Variants in IL16 observed in about 807,000 individuals in gnomAD.
IL16 encodes pro-interleukin-16.
In IL16, 67 loss-of-function variants were observed where a neutral mutation model predicts 110.1. The ratio of observed to expected loss-of-function variants is 0.61; its 90% confidence interval spans 0.50 to 0.75. The LOEUF is 0.75. Ranked by LOEUF, IL16 falls within the 30% of genes least tolerant of loss-of-function variation. The pLI is 0.00. For missense variants in IL16, 1,545 were observed against 1,655.0 expected (o/e 0.93, Z 1.15); for synonymous variants, 689 against 662.9 (o/e 1.04, Z -0.61).
rs138706777 is a variant in IL16 at position 81,278,733 on chromosome 15, T to C, written c.791-84T>C. 4.6e-4 allele frequency: 414 copies of C among 900,730 alleles called. 3 individuals are homozygous for C. In the East Asian group the frequency reaches 8.5e-3, roughly 19 times the overall value. The allele number at this position is 900,730 out of a possible 1,614,324, so 55.8% of individuals were successfully genotyped here. A position where few individuals can be genotyped will look rare whatever the true frequency, so the allele number is the denominator to read the frequency against. On this transcript the variant is annotated intron_variant, in intron 6 of 18. Coordinates refer to ENST00000683961, the MANE Select transcript of IL16 (RefSeq NM_172217.5). ...GTGCATCATACAAAAAGCCGGGCAGTTGGGGAGACTAGAGTTAAAGGTAAT... is the reference window on the plus strand; with the variant it reads ...GTGCATCATACAAAAAGCCGGGCAGCTGGGGAGACTAGAGTTAAAGGTAAT...
chr15:81,313,612 G>GC lies in IL16; in HGVS notation c.*4816dup, dbSNP rs541199625. 2.7e-5 allele frequency: 10 copies of GC among 372,000 alleles called. No homozygotes were observed. In the East Asian group the frequency reaches 4.1e-4, roughly 15 times the overall value. 23.0% of individuals were successfully genotyped at this position (372,000 alleles called of 1,614,324 possible). On this transcript the variant is annotated 3_prime_UTR_variant, in exon 19 of 19. Coordinates refer to ENST00000683961, the MANE Select transcript of IL16 (RefSeq NM_172217.5). ...CATCCTGTCGGGGATGCATTCCACAGCCTCTCCCGGCCTCCAGGGAGGAAG... is the reference window on the plus strand; with the variant it reads ...CATCCTGTCGGGGATGCATTCCACAGCCCTCTCCCGGCCTCCAGGGAGGAAG...
At chr15:81,194,625 A>G (rs1895551762), upstream of IL16, among the ~76,000 whole-genome samples, 1 of 152,166 alleles carries the variant, frequency 6.6e-6, no homozygotes, top group South Asian at 2.1e-4. Flanking sequence ...AGAAGGAAAT[A>G]CAGGTTATTG....
chr15:81,300,526 C>A, intron 14 of IL16, 51 bp downstream of exon 14: 1 of 1,214,420 alleles, frequency 8.2e-7, no homozygotes, highest in Non-Finnish European at 1.2e-6. Flanking sequence ...CTTTTTCTTT[C>A]TCATCTTTAT....
At chr15:81,235,369 T>C (rs909542362) in intron 2 of IL16, among the ~76,000 whole-genome samples, 2 of 152,120 alleles carry the variant, frequency 1.3e-5, no homozygotes, top group African/African-American at 4.8e-5. Context: ...GAGGGAACAG[T>C]TGTGTCACAT....
intron 1 of IL16, among the ~76,000 whole-genome samples, chr15:81,223,848 C>T (rs537814534): frequency 6.6e-6 from 1 of 152,286 alleles, no homozygotes; most frequent in South Asian, 2.1e-4. Flanking sequence ...GACCCACAGT[C>T]AGGCATGAAC....
chr15:81,255,027 G>A (rs894182934), intron 2 of IL16, among the ~76,000 whole-genome samples: 1 of 151,958 alleles, frequency 6.6e-6, no homozygotes, highest in African/African-American at 2.4e-5. Context: ...AGAGTCATGA[G>A]AGAGTTAGTG....
chr15:81,198,032 G>C (rs1391780297), intron 1 of IL16, among the ~76,000 whole-genome samples: 2 of 152,014 alleles, frequency 1.3e-5, no homozygotes, highest in Non-Finnish European at 2.9e-5. Flanking sequence ...TTCCTCCTCT[G>C]TTCTCCTTCT....
chr15:81,289,857 C>A (rs1434352678), intron 10 of IL16: 2 of 428,690 alleles, frequency 4.7e-6, no homozygotes, highest in Non-Finnish European at 4.6e-6. Context: ...TTTTAAAAAA[C>A]CTGTCCTCAT....
rs190512039 is a variant in IL16, at chr15:81,276,533, C to T, written c.791-2284C>T. ...AGCCTTGATAATGAAAGAGTTTCCC[C>T]TCAGTAAAGCCAACAGGCCCCAGGG... On this transcript the variant is annotated intron_variant, in intron 6 of 18. Coordinates refer to ENST00000683961, the MANE Select transcript of IL16 (RefSeq NM_172217.5). 6.1e-3 allele frequency among the ~76,000 whole-genome samples: 933 copies of T among 152,292 alleles called. 6 individuals carry two copies. Among genetic ancestry groups the T allele is most frequent in the Non-Finnish European group, 0.01 (687 of 68,036 alleles).
chr15:81,208,776 A>C (rs536561466), intron 1 of IL16, among the ~76,000 whole-genome samples: 1 of 152,208 alleles, frequency 6.6e-6, no homozygotes, highest in Non-Finnish European at 1.5e-5. Context: ...CTGAAGGGCA[A>C]TATGGCACAG....
chr15:81,295,230 C>T (rs1899928924), intron 12 of IL16: 2 of 295,474 alleles, frequency 6.8e-6, no homozygotes, highest in South Asian at 4.9e-5. Context: ...AATCTGCTCT[C>T]TCCCTCTTTC....
chr15:81,246,518 A>T (rs1258824449), intron 2 of IL16, among the ~76,000 whole-genome samples: 6 of 152,210 alleles, frequency 3.9e-5, no homozygotes, highest in Admixed American at 3.9e-4. Flanking sequence ...AAATCTTTGA[A>T]TCCCTGGATT....
chr15:81,223,454 A>G (rs1323588746), intron 1 of IL16, among the ~76,000 whole-genome samples: 2 of 152,244 alleles, frequency 1.3e-5, no homozygotes, highest in Non-Finnish European at 2.9e-5. Context: ...GAGAAAGGCA[A>G]TAATCAATGA....
intron 1 of IL16, among the ~76,000 whole-genome samples, chr15:81,183,549 G>A (rs963827302): frequency 6.6e-6 from 1 of 152,206 alleles, no homozygotes; most frequent in Non-Finnish European, 1.5e-5. Context: ...AGTTAACACT[G>A]GCGAAACTTC....
At position 81,311,502 on chromosome 15, in the gene IL16, G is replaced by A. The variant is rs1900851555; in HGVS notation, c.*2704G>A. On this transcript the variant is annotated 3_prime_UTR_variant, in exon 19 of 19. Coordinates refer to ENST00000683961, the MANE Select transcript of IL16 (RefSeq NM_172217.5). ...AGGGCTCTGACCAGTTTAACCTGAT[G>A]CAGTCACGTGGAGGAGCAGTGCAGG... The A allele has an allele frequency of 6.6e-6, 1 of 152,264 alleles. No homozygotes were observed. The highest frequency in any genetic ancestry group is 2.4e-5 in the African/African-American group (1 of 41,454). 9.4% of individuals were successfully genotyped at this position (152,264 alleles called of 1,614,324 possible).
At chr15:81,232,042 G>GTTTTTTTGTTT (rs1897008513) in intron 2 of IL16, among the ~76,000 whole-genome samples, 106 of 57,634 alleles carry the variant, frequency 1.8e-3, no homozygotes, top group Middle Eastern at 0.014. Flanking sequence ...ATTTGTTCTT[G>GTTTTTTTGTTT]TTTTTTTTTT....
chr15:81,224,993 G>C (rs529184136), intron 1 of IL16, among the ~76,000 whole-genome samples: 1 of 152,216 alleles, frequency 6.6e-6, no homozygotes, highest in South Asian at 2.1e-4. Context: ...ACTTATTACT[G>C]GCTCTTCTGC....
chr15:81,207,246 C>CAAAAAAAAAAAAACAAAAAAAAAA (rs1896058668), intron 1 of IL16, among the ~76,000 whole-genome samples: 1 of 102,760 alleles, frequency 9.7e-6, no homozygotes, highest in African/African-American at 2.9e-5. Flanking sequence ...TCAAAAAAAA[C>CAAAAAAAAAAAAACAAAAAAAAAA]AAAAAAAAAA....
intron 2 of IL16, among the ~76,000 whole-genome samples, chr15:81,257,036 T>C (rs1322978604): frequency 6.6e-6 from 1 of 152,222 alleles, no homozygotes; most frequent in Non-Finnish European, 1.5e-5. Flanking sequence ...TTATGCTAAG[T>C]TCTGGCAATA....
Sources: allele counts gnomAD v4.1 joint callset (sites outside exome capture counted in the v4.1 genomes callset), GRCh38; gene constraint gnomAD v4.1.1; transcripts MANE v1.5; gene names NCBI Gene and HGNC (gene_info 2026-07-23, HGNC 2026-07-21).